Variants in EPB41L4A observed in about 807,000 individuals in gnomAD.
The protein encoded by EPB41L4A is erythrocyte membrane protein band 4.1 like 4A.
Under a neutral mutation model 108.6 loss-of-function variants are expected in EPB41L4A, and 100 were observed. That is an observed-to-expected ratio of 0.92 (90% CI 0.78 to 1.09). The LOEUF (loss-of-function observed/expected upper bound fraction) is 1.09, where lower values mean the gene tolerates loss of function less well. Among genes scored for constraint, EPB41L4A ranks in the 50% least tolerant of loss-of-function variants. The probability of loss-of-function intolerance (pLI) is 0.00; values close to 1 mark genes in which losing one functional copy is unlikely to be tolerated. For synonymous variants in EPB41L4A, 319 were observed against 289.0 expected (o/e 1.10, Z -1.05); for missense variants, 1,030 against 842.7 (o/e 1.22, Z -2.75).
intron 5 of EPB41L4A, among the ~76,000 whole-genome samples, chr5:112,265,296 A>C (rs879595879): frequency 1.8e-4 from 28 of 152,364 alleles, no homozygotes; most frequent in Non-Finnish European, 3.1e-4. Context: ...ACGTATGTGA[A>C]GTAAAATGTT....
chr5:112,270,388 C>T (rs936834401), intron 4 of EPB41L4A, among the ~76,000 whole-genome samples: 8 of 152,240 alleles, frequency 5.3e-5, no homozygotes, highest in African/African-American at 1.9e-4. Context: ...AGAGCAGGAA[C>T]ACAGCATTTT....
At chr5:112,401,847 T>C (rs1761774898) in intron 1 of EPB41L4A, among the ~76,000 whole-genome samples, 1 of 152,250 alleles carries the variant, frequency 6.6e-6, no homozygotes. Context: ...CTGATCATTT[T>C]TGGTTGCGTA....
chr5:112,191,949 G>A (rs1470638279), intron 17 of EPB41L4A: 4 of 152,128 alleles, frequency 2.6e-5, no homozygotes, highest in Non-Finnish European at 4.4e-5. Context: ...AGACCTTATG[G>A]GCAAGAGGTA....
chr5:112,175,342 G>T (rs1210068726), intron 18 of EPB41L4A: 4 of 152,162 alleles, frequency 2.6e-5, no homozygotes, highest in Admixed American at 1.3e-4. Context: ...AACTGTAGCT[G>T]AAAAATGTAC....
chr5:112,419,914 C>G (rs1463258811), upstream of EPB41L4A: 67 of 456,400 alleles, frequency 1.5e-4, no homozygotes, highest in Admixed American at 1.4e-3. Flanking sequence ...GGACATTCAG[C>G]AAAGCGGGGA....
chr5:112,307,549 C>T (rs1416492110), intron 1 of EPB41L4A, 59 bp from the exon 2 acceptor site: 3 of 1,088,876 alleles, frequency 2.8e-6, no homozygotes, highest in Non-Finnish European at 4.2e-6. Context: ...AAGTAGTACA[C>T]AGTCATGGTT....
intron 1 of EPB41L4A, among the ~76,000 whole-genome samples, chr5:112,344,007 G>C (rs372949686): frequency 1.3e-5 from 2 of 152,116 alleles, no homozygotes; most frequent in Admixed American, 6.5e-5. Flanking sequence ...AGTATGCTAC[G>C]ATTGTGCCTG....
intron 4 of EPB41L4A, among the ~76,000 whole-genome samples, 153 bp from the exon 5 acceptor site, chr5:112,266,483 A>G (rs1164013159): frequency 1.3e-5 from 2 of 152,166 alleles, no homozygotes; most frequent in Non-Finnish European, 1.5e-5. Context: ...AGTGAACAGG[A>G]ACTACTTAAA....
chr5:112,250,287 C>T (rs1018747863), intron 9 of EPB41L4A, among the ~76,000 whole-genome samples: 1 of 152,098 alleles, frequency 6.6e-6, no homozygotes, highest in South Asian at 2.1e-4. Context: ...TAATTACATA[C>T]AAATATTTAC....
At position 112,240,796 on chromosome 5, in the gene EPB41L4A, T is replaced by C. The variant is rs565831180; in HGVS notation, c.810A>G (p.Ser270=). Residue 270 remains serine, a synonymous_variant, in exon 10 of 23, where the codon TCA becomes TCG. Coordinates refer to ENST00000261486, the MANE Select transcript of EPB41L4A (RefSeq NM_022140.5). ...TTTTACTCCGAGCTTCAAAAAAGAA[T>C]GAGGTTTCGTTACACTAAGAGAGAA... ...RVLGKDCNET[S]FFFEARSKTA... 10 of 1,591,746 alleles carry C rather than the reference T, an allele frequency of 6.3e-6. No individual in the cohort carries two copies. In the South Asian group the frequency reaches 1.2e-4, roughly 18 times the overall value.
intron 18 of EPB41L4A, among the ~76,000 whole-genome samples, chr5:112,177,086 AAT>A (rs376321682): frequency 6.6e-6 from 1 of 151,594 alleles, no homozygotes; most frequent in Admixed American, 6.6e-5. Context: ...TATCCACACA[AAT>A]ATATATATAT....
At chr5:112,202,507 G>T (rs530928276) in intron 15 of EPB41L4A, among the ~76,000 whole-genome samples, 115 of 152,214 alleles carry the variant, frequency 7.6e-4, no homozygotes, top group African/African-American at 2.7e-3. Flanking sequence ...TTCCCAAAGG[G>T]TTATTATTGG....
chr5:112,356,567 C>T (rs1758372691), intron 1 of EPB41L4A, among the ~76,000 whole-genome samples: 1 of 152,196 alleles, frequency 6.6e-6, no homozygotes, highest in Non-Finnish European at 1.5e-5. Flanking sequence ...AAAACATCTG[C>T]TTTTATTTCA....
At chr5:112,310,797 G>A (rs1468922195) in intron 1 of EPB41L4A, among the ~76,000 whole-genome samples, 1 of 152,068 alleles carries the variant, frequency 6.6e-6, no homozygotes, top group African/African-American at 2.4e-5. Flanking sequence ...AGTCTTGGTG[G>A]AGGCAGGAAT....
At position 112,382,430 on chromosome 5, in the gene EPB41L4A, G is replaced by A. The variant is rs182625099; in HGVS notation, c.99+36511C>T. ...GACAAAGACTGCAGCCCAGAGTGGA[G>A]GCTCACATCCATCCTTGGGAATGGC... On this transcript the variant is annotated intron_variant, in intron 1 of 22. Transcript: ENST00000261486. Among the ~76,000 whole-genome samples the A allele has an allele frequency of 3.9e-5, 6 of 152,314 alleles. No individual in the cohort carries two copies. The East Asian group carries it at 1.2e-3, about 29-fold the overall frequency.
chr5:112,200,054 G>C (rs1405579285), intron 15 of EPB41L4A, among the ~76,000 whole-genome samples: 1 of 152,198 alleles, frequency 6.6e-6, no homozygotes, highest in Non-Finnish European at 1.5e-5. Context: ...AAGTCCAGGT[G>C]GGCTGTAAGA....
downstream of EPB41L4A, chr5:112,161,089 G>A (rs1301656185): frequency 6.3e-6 from 1 of 158,242 alleles, no homozygotes; most frequent in Admixed American, 6.5e-5. Flanking sequence ...TGGAAACGGG[G>A]AGCTTCGTCG....
At chr5:112,277,356 T>C (rs1374475174) in intron 3 of EPB41L4A, among the ~76,000 whole-genome samples, 1 of 152,234 alleles carries the variant, frequency 6.6e-6, no homozygotes, top group African/African-American at 2.4e-5. Flanking sequence ...GCAAAAATGT[T>C]AAAAGTACAC....
At position 112,372,283 on chromosome 5, in the gene EPB41L4A, T is replaced by C. The variant is rs147962819; in HGVS notation, c.99+46658A>G. ...GCCAGCAGGGGAAATGCCAGATGCT[T>C]ATAAAACCATCAGATTTCATGAAAA... On this transcript the variant is annotated intron_variant, in intron 1 of 22. Coordinates refer to ENST00000261486, the MANE Select transcript of EPB41L4A (RefSeq NM_022140.5). Among the ~76,000 whole-genome samples, 770 of 152,246 alleles carry C rather than the reference T, an allele frequency of 5.1e-3. 3 individuals are homozygous for C. The highest frequency in any genetic ancestry group is 0.018 in the African/African-American group (734 of 41,554).
Sources: gnomAD v4.1 joint callset for allele counts (sites outside exome capture counted in the v4.1 genomes callset) on GRCh38, gnomAD v4.1.1 for gene constraint, MANE v1.5 for transcripts, NCBI Gene and HGNC (gene_info 2026-07-23, HGNC 2026-07-21) for gene names.